Variants in RBMS3 observed in about 807,000 individuals in gnomAD.
RBMS3 encodes RNA binding motif single stranded interacting protein 3.
Under a neutral mutation model 66.8 loss-of-function variants are expected in RBMS3, and 27 were observed. That is an observed-to-expected ratio of 0.40 (90% confidence interval 0.30 to 0.56). The LOEUF (loss-of-function observed/expected upper bound fraction) is 0.56, where lower values mean the gene tolerates loss of function less well. Among genes scored for constraint, RBMS3 ranks in the 20% least tolerant of loss-of-function variants. RBMS3 has a pLI of 0.40. For synonymous variants in RBMS3, 188 were observed against 183.0 expected (o/e 1.03, Z -0.22); for missense variants, 513 against 549.5 (o/e 0.93, Z 0.66).
In RBMS3 at chr3:29,691,949, A is replaced by C. The variant is rs3043421; in HGVS notation, c.400-47771A>C. On this transcript the variant is annotated intron_variant, in intron 4 of 14. Coordinates refer to ENST00000383767, the MANE Select transcript of RBMS3 (RefSeq NM_001003793.3). ...GTGACCCTTCTCTCTCTCTCTCTCT[A>C]TTTTTTTTTTTTTTTTTTGAGATGG... Among the ~76,000 whole-genome samples the C allele has an allele frequency of 3.9e-3, 253 of 64,872 alleles. 4 individuals are homozygous for C. The highest frequency in any genetic ancestry group is 6.1e-3 in the Admixed American group (33 of 5,426). 42.6% of individuals were successfully genotyped at this position (64,872 alleles called of 152,430 possible).
chr3:29,283,022 T>C (rs538171144), intron 1 of RBMS3, among the ~76,000 whole-genome samples: 1 of 152,286 alleles, frequency 6.6e-6, no homozygotes, highest in South Asian at 2.1e-4. Context: ...TTTGTGCTGC[T>C]GATGCTTAAA....
chr3:29,643,536 G>A (rs1419053920), intron 4 of RBMS3, among the ~76,000 whole-genome samples: 3 of 152,100 alleles, frequency 2.0e-5, no homozygotes, highest in Admixed American at 6.6e-5. Context: ...TCAGAATGCA[G>A]CAGAGGAGGA....
At chr3:29,744,100 T>G (rs1222794466) in intron 5 of RBMS3, among the ~76,000 whole-genome samples, 1 of 152,038 alleles carries the variant, frequency 6.6e-6, no homozygotes, top group African/African-American at 2.4e-5. Flanking sequence ...GCTTTAAAGT[T>G]GTCTGTGATT....
In RBMS3 at chr3:29,810,535, G is replaced by A. The variant is rs540395370; in HGVS notation, c.637+47546G>A. Among the ~76,000 whole-genome samples, 19 of 152,244 alleles carry A rather than the reference G, an allele frequency of 1.2e-4. 1 individual carries two copies. The highest frequency in any genetic ancestry group is 1.2e-3 in the Admixed American group (19 of 15,286). The stretch of plus-strand genomic sequence containing the variant: ...TGTGAACCACACAATGGAATGTGCT[G>A]TAGGAAATCTCTCACCTTCTAAAGC... On this transcript the variant is annotated intron_variant, in intron 6 of 14. Transcript: ENST00000383767.
intron 3 of RBMS3, among the ~76,000 whole-genome samples, chr3:29,540,298 C>T (rs2045710467): frequency 6.6e-6 from 1 of 152,128 alleles, no homozygotes; most frequent in Non-Finnish European, 1.5e-5. Flanking sequence ...TATATTATGA[C>T]AACAGAATTT....
At chr3:29,324,645 C>G (rs1171235116) in intron 1 of RBMS3, among the ~76,000 whole-genome samples, 2 of 146,186 alleles carry the variant, frequency 1.4e-5, no homozygotes, top group Non-Finnish European at 2.9e-5. Flanking sequence ...AGATGTTTCC[C>G]CTGTGCCCTT....
intron 6 of RBMS3, among the ~76,000 whole-genome samples, chr3:29,764,771 C>T (rs2055853116): frequency 6.6e-6 from 1 of 152,006 alleles, no homozygotes; most frequent in African/African-American, 2.4e-5. Flanking sequence ...CACTACAAAT[C>T]CCCAAATGTC....
chr3:29,353,220 C>T (rs976700614), intron 1 of RBMS3, among the ~76,000 whole-genome samples: 1 of 151,738 alleles, frequency 6.6e-6, no homozygotes, highest in Admixed American at 6.6e-5. Flanking sequence ...TATCTAGTAC[C>T]TCCAGAGCAG....
At chr3:29,698,458 CTT>C (rs2052379920) in intron 4 of RBMS3, 2 of 985,122 alleles carry the variant, frequency 2.0e-6, no homozygotes, top group African/African-American at 3.5e-5. Flanking sequence ...GAAATACAGT[CTT>C]TGGAGGAATC....
intron 1 of RBMS3, among the ~76,000 whole-genome samples, chr3:29,371,259 G>A (rs953634418): frequency 1.3e-5 from 2 of 152,196 alleles, no homozygotes; most frequent in Non-Finnish European, 2.9e-5. Context: ...GGATAGAGGA[G>A]AGGCAGGGAG....
chr3:29,809,484 T>C (rs2057663839), intron 6 of RBMS3, among the ~76,000 whole-genome samples: 1 of 152,018 alleles, frequency 6.6e-6, no homozygotes, highest in African/African-American at 2.4e-5. Flanking sequence ...GGTGAGACAA[T>C]AAATCACTGA....
At chr3:29,701,056 C>A (rs943189091) in intron 4 of RBMS3, among the ~76,000 whole-genome samples, 1 of 152,092 alleles carries the variant, frequency 6.6e-6, no homozygotes, top group Non-Finnish European at 1.5e-5. Flanking sequence ...CTCTGCCCGC[C>A]TTGGCCTCCC....
chr3:29,505,223 T>A (rs1041687478), intron 3 of RBMS3, among the ~76,000 whole-genome samples: 5 of 151,998 alleles, frequency 3.3e-5, no homozygotes, highest in Non-Finnish European at 5.9e-5. Context: ...CCTTTTGAGT[T>A]GATTTTTGTA....
chr3:29,471,660 A>G (rs1559388086), intron 2 of RBMS3, among the ~76,000 whole-genome samples: 1 of 150,992 alleles, frequency 6.6e-6, no homozygotes, highest in African/African-American at 2.4e-5. Flanking sequence ...CTTATATACT[A>G]TGCATCTCAA....
intron 6 of RBMS3, among the ~76,000 whole-genome samples, chr3:29,864,949 GAAGGAAGGAAGA>G (rs2059315592): frequency 1.8e-5 from 2 of 108,564 alleles, no homozygotes; most frequent in South Asian, 8.0e-4. Context: ...AGGAAGGAGG[GAAGGAAGGAAGA>G]AAGGAAGGAA....
chr3:29,922,680 G>A (rs1391388293), intron 10 of RBMS3, among the ~76,000 whole-genome samples: 2 of 152,076 alleles, frequency 1.3e-5, no homozygotes, highest in Non-Finnish European at 2.9e-5. Context: ...AGTATTTCAA[G>A]TTGACACAAT....
At chr3:29,502,734 G>T (rs2044024877) in intron 3 of RBMS3, among the ~76,000 whole-genome samples, 1 of 152,134 alleles carries the variant, frequency 6.6e-6, no homozygotes, top group South Asian at 2.1e-4. Context: ...GTTGGCAAAT[G>T]TCTAGCTTTC....
intron 1 of RBMS3, among the ~76,000 whole-genome samples, chr3:29,329,550 A>C (rs2035529910): frequency 6.6e-6 from 1 of 152,106 alleles, no homozygotes; most frequent in African/African-American, 2.4e-5. Flanking sequence ...ATCATATAGA[A>C]AACTGAATAA....
intron 1 of RBMS3, among the ~76,000 whole-genome samples, chr3:29,427,942 A>G (rs1438335): frequency 0.81 from 123,970 of 152,144 alleles, 50,996 homozygotes; most frequent in East Asian, 0.97. Context: ...TTTGTAAAGA[A>G]TTATGTTTTC....
Sources: gnomAD v4.1 joint callset for allele counts (sites outside exome capture counted in the v4.1 genomes callset) on GRCh38, gnomAD v4.1.1 for gene constraint, MANE v1.5 for transcripts, NCBI Gene and HGNC (gene_info 2026-07-23, HGNC 2026-07-21) for gene names.